The following FAT3 variants were observed in gnomAD, a reference collection of about 807,000 sequenced individuals.
FAT3 encodes FAT atypical cadherin 3.
FAT3 carries 95 observed loss-of-function variants against 310.2 expected under a neutral mutation model. The observed-to-expected ratio is 0.31, with a 90% CI of 0.26 to 0.36. The LOEUF (loss-of-function observed/expected upper bound fraction) is 0.36, where lower values mean the gene tolerates loss of function less well. Among genes scored for constraint, FAT3 ranks in the 10% least tolerant of loss-of-function variants. The pLI is 1.00. For missense variants in FAT3, 5,408 were observed against 5,715.6 expected (o/e 0.95, Z 1.74); for synonymous variants, 2,314 against 2,192.9 (o/e 1.06, Z -1.54).
intron 21 of FAT3, among the ~76,000 whole-genome samples, chr11:92,861,619 G>A (rs1265230835): frequency 6.6e-6 from 1 of 152,198 alleles, no homozygotes; most frequent in African/African-American, 2.4e-5. Context: ...TGTCTGTTCT[G>A]TAAGTTTGCT....
At chr11:92,550,318 G>C (rs533330) in intron 3 of FAT3, among the ~76,000 whole-genome samples, 61,753 of 152,004 alleles carry the variant, frequency 0.41, 13,005 homozygotes, top group Middle Eastern at 0.54. Flanking sequence ...GAAGAGCCAG[G>C]AAGCTGCTCA....
At chr11:92,649,871 GTTCATATATATATA>G (rs1364330930) in intron 3 of FAT3, among the ~76,000 whole-genome samples, 16 of 114,094 alleles carry the variant, frequency 1.4e-4, no homozygotes, top group South Asian at 1.1e-3. Context: ...CACTTTGTAT[GTTCATATATATATA>G]TATATATATA....
In FAT3 at chr11:92,336,397, A is replaced by G. The variant is rs1948083323; in HGVS notation, c.-17-15699A>G. ...GCAGACAGGGCGACCACAGTCCTGGAGAAGCTGGATTCCCAGCGGAGGTGG... is the reference window on the plus strand; with the variant it reads ...GCAGACAGGGCGACCACAGTCCTGGGGAAGCTGGATTCCCAGCGGAGGTGG... On this transcript the variant is annotated intron_variant, in intron 1 of 27. Transcript: ENST00000525166. 8.6e-6 allele frequency: 3 copies of G among 347,062 alleles called. No individual in the cohort carries two copies. In the Admixed American group the frequency reaches 1.2e-4, roughly 14 times the overall value. 21.5% of individuals were successfully genotyped at this position (347,062 alleles called of 1,614,324 possible).
chr11:92,659,982 G>A (rs1002112886), intron 3 of FAT3, among the ~76,000 whole-genome samples: 5 of 152,124 alleles, frequency 3.3e-5, no homozygotes, highest in African/African-American at 9.7e-5. Flanking sequence ...TGTGGTTTTC[G>A]CTTAGCCAAA....
chr11:92,301,874 C>T (rs1440024890), intron 1 of FAT3, among the ~76,000 whole-genome samples: 1 of 152,026 alleles, frequency 6.6e-6, no homozygotes, highest in East Asian at 1.9e-4. Context: ...CGATTCCTCA[C>T]CTCTTTCCAA....
intron 6 of FAT3, among the ~76,000 whole-genome samples, chr11:92,768,708 GA>G (rs1946385017): frequency 6.6e-6 from 1 of 152,154 alleles, no homozygotes; most frequent in Admixed American, 6.5e-5. Context: ...CAATGCTTAA[GA>G]AACATAGCAG....
intron 3 of FAT3, among the ~76,000 whole-genome samples, chr11:92,628,545 C>T (rs1315224294): frequency 6.6e-6 from 1 of 152,168 alleles, no homozygotes; most frequent in Non-Finnish European, 1.5e-5. Flanking sequence ...AGCTATTATT[C>T]TCATAGGTTG....
At chr11:92,545,116 G>T (rs1255650035) in intron 3 of FAT3, among the ~76,000 whole-genome samples, 1 of 151,934 alleles carries the variant, frequency 6.6e-6, no homozygotes, top group Admixed American at 6.6e-5. Flanking sequence ...GCACACTCTT[G>T]CCCCAAGGCT....
intron 17 of FAT3, among the ~76,000 whole-genome samples, chr11:92,838,066 A>G (rs1193444471): frequency 6.6e-6 from 1 of 152,158 alleles, no homozygotes; most frequent in East Asian, 1.9e-4. Flanking sequence ...GTGAAGAGGG[A>G]TGGTGGATTG....
At chr11:92,598,686 C>A (rs1306462936) in intron 3 of FAT3, among the ~76,000 whole-genome samples, 1 of 152,078 alleles carries the variant, frequency 6.6e-6, no homozygotes, top group African/African-American at 2.4e-5. Flanking sequence ...TCTTTAGAGG[C>A]TTTAGAGGAT....
At chr11:92,739,855 AATAAAGCTCTTATGAAGAGAC>A (rs1446488853) in intron 4 of FAT3, among the ~76,000 whole-genome samples, 2 of 152,186 alleles carry the variant, frequency 1.3e-5, no homozygotes, top group African/African-American at 4.8e-5. Context: ...CTCCCCACTA[AATAAAGCTCTTATGAAGAGAC>A]ATTCATTATT....
chr11:92,761,774 A>G (rs1339278055), intron 4 of FAT3, 82 bp from the exon 5 acceptor site: 1 of 1,275,154 alleles, frequency 7.8e-7, no homozygotes, highest in African/African-American at 1.5e-5. Context: ...TTGTCCGTGC[A>G]TTAGAAGAAA....
intron 18 of FAT3, among the ~76,000 whole-genome samples, chr11:92,843,658 T>G (rs1461681130): frequency 6.6e-6 from 1 of 152,162 alleles, no homozygotes; most frequent in Non-Finnish European, 1.5e-5. Flanking sequence ...GCATGTTGAG[T>G]CTTGTAGCCC....
At chr11:92,348,405 A>T (rs1393193379) in intron 1 of FAT3, among the ~76,000 whole-genome samples, 2 of 152,250 alleles carry the variant, frequency 1.3e-5, no homozygotes, top group Non-Finnish European at 2.9e-5. Flanking sequence ...ATTTTTGAAT[A>T]GTTAAATTGA....
intron 3 of FAT3, among the ~76,000 whole-genome samples, chr11:92,634,684 G>C (rs1211876187): frequency 6.6e-6 from 1 of 152,142 alleles, no homozygotes; most frequent in Admixed American, 6.5e-5. Flanking sequence ...TCTCCACACA[G>C]CACAGGAACA....
Position 92,893,775 on chromosome 11 carries a change from T to G in FAT3, c.*2662T>G, listed in dbSNP as rs1057279969. The G allele has an allele frequency of 1.3e-5, 2 of 152,234 alleles. No homozygotes were observed. Among genetic ancestry groups the G allele is most frequent in the African/African-American group, 4.8e-5 (2 of 41,456 alleles). The allele number at this position is 152,234 out of a possible 1,614,324, so 9.4% of individuals were successfully genotyped here. On this transcript the variant is annotated 3_prime_UTR_variant, in exon 28 of 28. Transcript: ENST00000525166. ...ATTATCTTTAAACACATGATATCTC[T>G]TCACTTTTTGGAAAGTTAGATTTCT... is the stretch of plus-strand genomic sequence containing the variant.
At chr11:92,356,687 C>T (rs1948739962) in intron 2 of FAT3, among the ~76,000 whole-genome samples, 1 of 152,136 alleles carries the variant, frequency 6.6e-6, no homozygotes. Context: ...AAGACTCTAT[C>T]TCTATATAGC....
intron 2 of FAT3, chr11:92,366,607 T>C (rs1949029283): frequency 1.9e-6 from 1 of 528,842 alleles, no homozygotes; most frequent in Admixed American, 1.9e-5. Flanking sequence ...TCATAGACAA[T>C]GGGAATAACC....
At chr11:92,263,461 T>G (rs1865639077) in intron 1 of FAT3, among the ~76,000 whole-genome samples, 1 of 152,128 alleles carries the variant, frequency 6.6e-6, no homozygotes, top group South Asian at 2.1e-4. Flanking sequence ...GTATCATTGC[T>G]TTATAAAGAT....
Sources: gnomAD v4.1 joint callset for allele counts (sites outside exome capture counted in the v4.1 genomes callset) on GRCh38, gnomAD v4.1.1 for gene constraint, MANE v1.5 for transcripts, NCBI Gene and HGNC (gene_info 2026-07-23, HGNC 2026-07-21) for gene names.